GRIK4: variants seen among roughly 807,000 people sequenced by gnomAD.
GRIK4 encodes the protein glutamate ionotropic receptor kainate type subunit 4, also known as glutamate receptor ionotropic, kainate 4.
In GRIK4, 40 loss-of-function variants were observed where a neutral mutation model predicts 104.9. The ratio of observed to expected loss-of-function variants is 0.38; its 90% CI spans 0.30 to 0.50. GRIK4 has a LOEUF of 0.50. Among genes scored for constraint, GRIK4 ranks in the 20% least tolerant of loss-of-function variants. GRIK4 has a pLI of 0.93. For missense variants in GRIK4, 1,047 were observed against 1,308.1 expected, an observed-to-expected ratio of 0.80 and a Z score of 3.08; for synonymous variants, 485 against 524.9, an observed-to-expected ratio of 0.92 and a Z score of 1.04.
intron 3 of GRIK4, among the ~76,000 whole-genome samples, chr11:120,741,156 A>C (rs11217995): frequency 0.018 from 2,702 of 151,978 alleles, 81 homozygotes; most frequent in African/African-American, 0.062. Context: ...GCATTAACTC[A>C]TTTACCACTC....
chr11:120,859,007 G>A (rs1954191409), intron 8 of GRIK4: 2 of 152,186 alleles, frequency 1.3e-5, no homozygotes, highest in South Asian at 2.1e-4. Context: ...ATCTTAAGAG[G>A]CCTTTGAAAG....
chr11:120,788,907 G>A (rs1226083162), intron 3 of GRIK4, among the ~76,000 whole-genome samples: 3 of 151,976 alleles, frequency 2.0e-5, no homozygotes, highest in Non-Finnish European at 2.9e-5. Flanking sequence ...CTCTCCCCTG[G>A]AAGGGCTCTT....
At chr11:120,814,011 T>C (rs1952881585) in intron 4 of GRIK4, among the ~76,000 whole-genome samples, 1 of 152,208 alleles carries the variant, frequency 6.6e-6, no homozygotes. Flanking sequence ...TCTCAGTCTC[T>C]AGCATTTTAA....
Position 120,555,629 on chromosome 11 carries a change from C to T in GRIK4, c.-159+43742C>T, listed in dbSNP as rs563549702. On this transcript the variant is annotated intron_variant, in intron 1 of 20. Coordinates refer to ENST00000527524, the MANE Select transcript of GRIK4 (RefSeq NM_014619.5). The surrounding 1 kb of genome is among the most constrained non-coding windows in gnomAD (Gnocchi z 5.3). ...GAGTTTCTTATCTGGCAAATGGGAC[C>T]GAGACACATCCAATGCCCAGGTGGT... is the stretch of plus-strand genomic sequence containing the variant. Among the ~76,000 whole-genome samples, 1 of 152,250 alleles carries T rather than the reference C, an allele frequency of 6.6e-6. No individual in the cohort carries two copies. The highest frequency in any genetic ancestry group is 2.4e-5 in the African/African-American group (1 of 41,546).
intron 1 of GRIK4, among the ~76,000 whole-genome samples, chr11:120,577,530 G>A (rs2135086195): frequency 6.6e-6 from 1 of 152,260 alleles, no homozygotes; most frequent in Non-Finnish European, 1.5e-5. Context: ...GTGTCCTTCA[G>A]GGGCCAAAGG....
intron 3 of GRIK4, among the ~76,000 whole-genome samples, chr11:120,737,099 C>G (rs1951238267): frequency 6.6e-6 from 1 of 152,206 alleles, no homozygotes; most frequent in Non-Finnish European, 1.5e-5. Context: ...TATATTTATA[C>G]TCATGAGTTC....
chr11:120,536,069 G>GC (rs1184419020), intron 1 of GRIK4, among the ~76,000 whole-genome samples: 1 of 152,250 alleles, frequency 6.6e-6, no homozygotes, highest in Non-Finnish European at 1.5e-5. Flanking sequence ...AGATTATAAA[G>GC]CCATCCTTGA....
intron 1 of GRIK4, among the ~76,000 whole-genome samples, chr11:120,599,354 C>CCTGTTCTGGAG (rs1357812080): frequency 1.3e-5 from 2 of 152,234 alleles, no homozygotes; most frequent in African/African-American, 4.8e-5. Context: ...GGGGAAGGTC[C>CCTGTTCTGGAG]CTGTTCTGGG....
At chr11:120,919,693 T>G (rs2134562252) in intron 13 of GRIK4, among the ~76,000 whole-genome samples, 1 of 152,282 alleles carries the variant, frequency 6.6e-6, no homozygotes, top group South Asian at 2.1e-4. Context: ...CAGAAGCTAC[T>G]GAATAATTCA....
chr11:120,589,604 A>G (rs1030718080), intron 1 of GRIK4, among the ~76,000 whole-genome samples: 22 of 152,104 alleles, frequency 1.4e-4, no homozygotes, highest in Non-Finnish European at 2.5e-4. Context: ...TCCTTCAGCC[A>G]GCGGCCACCG....
chr11:120,864,026 G>A (rs1320498621), intron 9 of GRIK4, among the ~76,000 whole-genome samples: 1 of 152,072 alleles, frequency 6.6e-6, no homozygotes, highest in Non-Finnish European at 1.5e-5. Flanking sequence ...TCCATGGGAA[G>A]GACTGGGAAG....
chr11:120,750,350 CTTTTTTTTTTTTTT>C (rs869135246), intron 3 of GRIK4, among the ~76,000 whole-genome samples: 2 of 76,120 alleles, frequency 2.6e-5, no homozygotes, highest in African/African-American at 5.9e-5. Flanking sequence ...CTAGAAATCT[CTTTTTTTTTTTTTT>C]TTTTTTTTTT....
intron 9 of GRIK4, chr11:120,871,250 A>C: frequency 5.5e-6 from 1 of 181,892 alleles, no homozygotes; most frequent in South Asian, 1.3e-4. Context: ...TAAGCCGGAA[A>C]GGGAGAATCT....
At chr11:120,958,033 G>T (rs139706947) in intron 16 of GRIK4, among the ~76,000 whole-genome samples, 1 of 152,234 alleles carries the variant, frequency 6.6e-6, no homozygotes, top group South Asian at 2.1e-4. Context: ...CAGGAAGAGG[G>T]ATGGACGATC....
chr11:120,895,406 G>A (rs1942550393), intron 11 of GRIK4, among the ~76,000 whole-genome samples: 1 of 152,154 alleles, frequency 6.6e-6, no homozygotes, highest in African/African-American at 2.4e-5. Flanking sequence ...CAGCCTAGGA[G>A]TCCATTGGGA....
intron 4 of GRIK4, among the ~76,000 whole-genome samples, chr11:120,809,634 C>T (rs1423535685): frequency 6.6e-6 from 1 of 152,158 alleles, no homozygotes; most frequent in Non-Finnish European, 1.5e-5. Flanking sequence ...TAGACATGAC[C>T]CCTGATCTCA....
Position 120,952,221 on chromosome 11 carries a change from A to C in GRIK4, c.1591-634A>C, listed in dbSNP as rs1439242169. Among the ~76,000 whole-genome samples the C allele has an allele frequency of 6.6e-6, 1 of 152,134 alleles. No homozygotes were observed. Among genetic ancestry groups the C allele is most frequent in the Non-Finnish European group, 1.5e-5 (1 of 68,016 alleles). ...AGTGAGCCCTGGGCTTTGAGTCAGG[A>C]AACATGGGCTTTTTTGGGTCCCGGC... is the stretch of plus-strand genomic sequence containing the variant. On this transcript the variant is annotated intron_variant, in intron 14 of 20. Transcript: ENST00000527524. The surrounding 1 kb of genome is among the most constrained non-coding windows in gnomAD (Gnocchi z 5.2).
intron 13 of GRIK4, among the ~76,000 whole-genome samples, chr11:120,938,627 G>A (rs1943648990): frequency 1.3e-5 from 2 of 152,170 alleles, no homozygotes. Context: ...CACTTTCTTT[G>A]CAGTGTTTGT....
chr11:120,876,987 G>A (rs927260819), intron 11 of GRIK4, among the ~76,000 whole-genome samples: 2 of 152,196 alleles, frequency 1.3e-5, no homozygotes, highest in Non-Finnish European at 2.9e-5. Flanking sequence ...TTAGAGTCCA[G>A]TGGAGTTCTT....
Sources: allele counts gnomAD v4.1 joint callset (sites outside exome capture counted in the v4.1 genomes callset), GRCh38; gene constraint gnomAD v4.1.1; non-coding constraint Gnocchi (gnomAD v3.1); transcripts MANE v1.5; gene names NCBI Gene and HGNC (gene_info 2026-07-23, HGNC 2026-07-21).